The following MAOB variants were observed in gnomAD, a reference collection of about 807,000 sequenced individuals.
The protein encoded by MAOB is monoamine oxidase B.
A neutral mutation model predicts 41.9 loss-of-function variants in MAOB; 15 were observed. The ratio of observed to expected loss-of-function variants is 0.36; its 90% confidence interval spans 0.24 to 0.55. The LOEUF (loss-of-function observed/expected upper bound fraction) is 0.55. MAOB is among the 20% of genes least tolerant of loss of function. MAOB has a pLI of 0.86. For missense variants in MAOB, 345 were observed against 398.7 expected (o/e 0.87, Z 1.15); for synonymous variants, 167 against 144.2 (o/e 1.16, Z -1.13).
chrX:43,806,236 T>C (rs1168257010), intron 3 of MAOB, among the ~76,000 whole-genome samples: 1 of 111,804 alleles, frequency 8.9e-6, no homozygotes, highest in African/African-American at 3.3e-5. Context: ...ATCCTTTTTC[T>C]GTTGCAGGAT....
At chrX:43,877,102 C>T (rs1190817271) in intron 1 of MAOB, among the ~76,000 whole-genome samples, 1 of 112,093 alleles carries the variant, frequency 8.9e-6, no homozygotes, top group African/African-American at 3.2e-5. Context: ...CATTATTATC[C>T]CCATTTCCAA....
intron 2 of MAOB, among the ~76,000 whole-genome samples, chrX:43,843,383 A>T (rs953462385): frequency 1.1e-4 from 12 of 106,780 alleles, no homozygotes; most frequent in African/African-American, 4.1e-4. Context: ...ACACACACAC[A>T]CACACACACA....
chrX:43,821,677 C>A (rs1306834031), intron 3 of MAOB, among the ~76,000 whole-genome samples: 2 of 111,446 alleles, frequency 1.8e-5, no homozygotes, highest in Admixed American at 1.9e-4. Flanking sequence ...CAATTATTAT[C>A]CTCAGATTAT....
intron 3 of MAOB, among the ~76,000 whole-genome samples, chrX:43,809,287 T>G (rs995614503): frequency 8.9e-6 from 1 of 112,350 alleles, no homozygotes. Flanking sequence ...AAAGACCAGC[T>G]GTTAAAGCCC....
At position 43,787,898 on chromosome X, in the gene MAOB, A is replaced by G. The variant is rs947831693; in HGVS notation, c.928+5521T>C. 5.3e-5 allele frequency among the ~76,000 whole-genome samples: 6 copies of G among 112,607 alleles called. No homozygotes were observed. In the South Asian group the frequency reaches 1.8e-3, roughly 34 times the overall value. On this transcript the variant is annotated intron_variant, in intron 8 of 14. Coordinates refer to ENST00000378069, the MANE Select transcript of MAOB (RefSeq NM_000898.5). The stretch of plus-strand genomic sequence containing the variant: ...TTGTTAATGATAAAAATTACAAATT[A>G]TAGATAAATGAGGCAATTTCTCCTA...
intron 9 of MAOB, among the ~76,000 whole-genome samples, chrX:43,780,668 C>A (rs1044952999): frequency 8.1e-5 from 9 of 111,756 alleles, no homozygotes; most frequent in African/African-American, 2.6e-4. Flanking sequence ...ACCCACTTCC[C>A]CTCACCCAGC....
At chrX:43,838,148 C>T (rs968382908) in intron 3 of MAOB, among the ~76,000 whole-genome samples, 9 of 112,002 alleles carry the variant, frequency 8.0e-5, no homozygotes, top group African/African-American at 2.6e-4. Flanking sequence ...ACTTCAGTGA[C>T]GTTTGCTTTT....
intron 2 of MAOB, among the ~76,000 whole-genome samples, chrX:43,839,716 T>C (rs2035111157): frequency 8.9e-6 from 1 of 112,162 alleles, no homozygotes; most frequent in South Asian, 3.7e-4. Flanking sequence ...GGCATCTTTG[T>C]TTTACTCACT....
intron 8 of MAOB, among the ~76,000 whole-genome samples, chrX:43,786,698 T>C (rs757235221): frequency 9.8e-5 from 11 of 111,734 alleles, no homozygotes; most frequent in Non-Finnish European, 2.1e-4. Flanking sequence ...ATACTGATCA[T>C]GTGGGGATCG....
chrX:43,798,634 T>A (rs1350717392), intron 5 of MAOB, among the ~76,000 whole-genome samples: 1 of 111,821 alleles, frequency 8.9e-6, no homozygotes. Context: ...AATTCATCAG[T>A]AGTAGTGTGC....
chrX:43,845,598 A>T (rs181093504), intron 1 of MAOB, among the ~76,000 whole-genome samples: 45 of 112,073 alleles, frequency 4.0e-4, no homozygotes, highest in African/African-American at 1.4e-3. Context: ...ATTCACAGCC[A>T]TTATACAACA....
chrX:43,826,964 T>C (rs1378801600), intron 3 of MAOB, among the ~76,000 whole-genome samples: 1 of 111,874 alleles, frequency 8.9e-6, no homozygotes, highest in East Asian at 2.8e-4. Flanking sequence ...CAGGAGAAAG[T>C]AGTCAAAAAC....
chrX:43,805,418 T>A (rs2034650630), intron 3 of MAOB, among the ~76,000 whole-genome samples: 1 of 111,556 alleles, frequency 9.0e-6, no homozygotes, highest in Non-Finnish European at 1.9e-5. Flanking sequence ...TTCCCATCAT[T>A]CCAGAAAGTT....
intron 1 of MAOB, among the ~76,000 whole-genome samples, chrX:43,861,792 T>C (rs1396646994): frequency 8.9e-6 from 1 of 111,805 alleles, no homozygotes; most frequent in Non-Finnish European, 1.9e-5. Context: ...TTCAATGCTG[T>C]ACTAGCTACT....
intron 7 of MAOB, among the ~76,000 whole-genome samples, chrX:43,794,950 C>A: frequency 9.1e-6 from 1 of 109,501 alleles, no homozygotes; most frequent in Non-Finnish European, 1.9e-5. Flanking sequence ...CACTCAACAA[C>A]GATCACCACA....
At chrX:43,869,212 A>ATC (rs752328176) in intron 1 of MAOB, among the ~76,000 whole-genome samples, 17 of 111,057 alleles carry the variant, frequency 1.5e-4, no homozygotes, top group Admixed American at 3.8e-4. Flanking sequence ...GAAGGACAAG[A>ATC]TCTCTCTCTC....
chrX:43,844,422 T>C (rs1458866023), intron 1 of MAOB: 3 of 112,050 alleles, frequency 2.7e-5, no homozygotes, highest in African/African-American at 9.7e-5. Flanking sequence ...ACCCACAGCT[T>C]TACTGAGGTA....
At chrX:43,860,877 A>C (rs1213309027) in intron 1 of MAOB, among the ~76,000 whole-genome samples, 1 of 111,615 alleles carries the variant, frequency 9.0e-6, no homozygotes, top group African/African-American at 3.3e-5. Flanking sequence ...GGGGATTTAC[A>C]GTAACTGTTC....
rs1467433800 is a variant in MAOB, at chrX:43,775,052, G to GTT, written c.1235+121_1235+122dup. 6.6e-4 allele frequency: 460 copies of GTT among 693,943 alleles called. 5 individuals are homozygous for GTT. In the African/African-American group the frequency reaches 0.012, roughly 18 times the overall value. 57.2% of individuals were successfully genotyped at this position (693,943 alleles called of 1,213,427 possible). A position where few individuals can be genotyped will look rare whatever the true frequency, so the allele number is the denominator to read the frequency against. On this transcript the variant is annotated intron_variant, in intron 12 of 14. Transcript: ENST00000378069. ...ATTCATAAGATACAAAGGAAATTGG[G>GTT]TTGTTTTTTTTTTTTTTTTTTGTAT...
Sources: gnomAD v4.1 joint callset for allele counts (sites outside exome capture counted in the v4.1 genomes callset) on GRCh38, gnomAD v4.1.1 for gene constraint, MANE v1.5 for transcripts, NCBI Gene and HGNC (gene_info 2026-07-23, HGNC 2026-07-21) for gene names.